The following ABCF1 variants were observed in gnomAD, a reference collection of about 807,000 sequenced individuals.
The protein encoded by ABCF1 is ATP-binding cassette sub-family F member 1.
ABCF1 carries 73 observed loss-of-function variants against 126.3 expected under a neutral mutation model. The ratio of observed to expected loss-of-function variants is 0.58; its 90% confidence interval spans 0.48 to 0.70. The LOEUF is 0.70. Among genes scored for constraint, ABCF1 ranks in the 30% least tolerant of loss-of-function variants. The pLI is 0.00. For synonymous variants in ABCF1, 345 were observed against 396.4 expected (o/e 0.87, Z 1.54); for missense variants, 786 against 1,057.5 (o/e 0.74, Z 3.56).
chr6:30,578,438 C>T, intron 5 of ABCF1, 32 bp from the exon 6 acceptor site: 2 of 1,614,068 alleles, frequency 1.2e-6, no homozygotes, highest in Non-Finnish European at 1.7e-6. Context: ...CTTGACCATC[C>T]TACTGACTTC....
chr6:30,586,431 G>A lies in ABCF1; in HGVS notation c.1886-43G>A. Reference sequence around the variant, plus strand: ...GCCAGCACATGAGAGGGACTTTGCAGGGACTGAAAAGAATATAAATTGCTT... The same window carrying A: ...GCCAGCACATGAGAGGGACTTTGCAAGGACTGAAAAGAATATAAATTGCTT... On this transcript the variant is annotated intron_variant, in intron 18 of 24. Coordinates refer to ENST00000326195, the MANE Select transcript of ABCF1 (RefSeq NM_001025091.2). The surrounding 1 kb of genome is among the most constrained non-coding windows in gnomAD (Gnocchi z 4.9). 6.2e-7 allele frequency: 1 copy of A among 1,612,684 alleles called. No homozygotes were observed. The highest frequency in any genetic ancestry group is 8.5e-7 in the Non-Finnish European group (1 of 1,178,738).
rs370107811 is a variant in ABCF1 at position 30,571,554 on chromosome 6, C to G, written c.67C>G (p.Pro23Ala). ...EWIGDGESTS[P>A]SDKVVKKGKK... ...GATCGGGGACGGAGAGAGCACGAGC[C>G]CATCAGGTGAGGCTGGTAGGCAAGG... The change falls in exon 1 of 25, where the codon CCA (proline) becomes GCA (alanine). Residue 23 changes from proline to alanine, a missense_variant. By Grantham distance (27) the Pro-to-Ala change is conservative. This residue lies in a region of ABCF1 where 322 missense variants were observed against 322.9 expected (regional missense o/e 1.00). Transcript: ENST00000326195. 19 of 1,609,700 alleles carry G rather than the reference C, an allele frequency of 1.2e-5. No individual in the cohort carries two copies. The highest frequency in any genetic ancestry group is 1.5e-5 in the Non-Finnish European group (18 of 1,179,378).
rs775422340 is a variant in ABCF1, at chr6:30,577,884, GAGCAGC to G, written c.198_203del (p.Gln72_Gln73del). ...AGAAGAGAAAGTGCTCAAGGAGAAGGAGCAGCAGCAGCAGCAACAGCAACAGCAGGT... is the reference window on the plus strand; with the variant it reads ...AGAAGAGAAAGTGCTCAAGGAGAAGGAGCAGCAGCAACAGCAACAGCAGGT... On this transcript the variant is annotated inframe_deletion, in exon 3 of 25. Transcript: ENST00000326195. 170 of 1,614,014 alleles carry G rather than the reference GAGCAGC, an allele frequency of 1.1e-4. No homozygotes were observed. The highest frequency in any genetic ancestry group is 6.9e-4 in the African/African-American group (52 of 75,018).
chr6:30,576,067 C>G (rs1801479191), intron 1 of ABCF1, among the ~76,000 whole-genome samples: 1 of 140,572 alleles, frequency 7.1e-6, no homozygotes, highest in Non-Finnish European at 1.5e-5. Context: ...GAGCAAGACC[C>G]TGTCTCTTAA....
chr6:30,578,113 A>T lies in ABCF1; in HGVS notation c.254A>T (p.Lys85Met). The T allele has an allele frequency of 6.2e-7, 1 of 1,614,108 alleles. No individual in the cohort carries two copies. The highest frequency in any genetic ancestry group is 1.1e-5 in the South Asian group (1 of 91,072). Residue 85 changes from lysine to methionine, a missense_variant, in exon 4 of 25, where the codon AAG (lysine) becomes ATG (methionine). By Grantham distance (95) the Lys-to-Met change is moderately conservative. Coordinates refer to ENST00000326195, the MANE Select transcript of ABCF1 (RefSeq NM_001025091.2). ...KKRDTRKGRR[K>M]KDVDDDGEEK... ...CGAGATACCCGAAAAGGCAGGCGGA[A>T]GAAGGATGTGGATGATGATGGAGAA...
At chr6:30,589,649 C>T (rs1802334433) in intron 20 of ABCF1, 39 bp from the exon 21 acceptor site, 1 of 1,605,922 alleles carries the variant, frequency 6.2e-7, no homozygotes, top group Non-Finnish European at 8.5e-7. Context: ...GCACCTTTTT[C>T]CCTTGCCCTC....
At chr6:30,573,381 A>G (rs1213649565) in intron 1 of ABCF1, among the ~76,000 whole-genome samples, 1 of 152,264 alleles carries the variant, frequency 6.6e-6, no homozygotes, top group African/African-American at 2.4e-5. Context: ...GAGGATTTCT[A>G]AAAGGAAATG....
chr6:30,577,773 T>C, intron 2 of ABCF1, 45 bp from the exon 3 acceptor site: 2 of 1,587,876 alleles, frequency 1.3e-6, no homozygotes, highest in Non-Finnish European at 1.7e-6. Context: ...CCTGCTTGGA[T>C]TGCTCTTGGA....
In ABCF1 at chr6:30,590,150, TG is replaced by T; in HGVS notation, c.2237del (p.Gly746ValfsTer30). On this transcript the variant is annotated frameshift_variant and splice_region_variant, in exon 23 of 25. Transcript: ENST00000326195. LOFTEE classifies it high-confidence loss of function. The part of the protein sequence containing the change: ...HTIQICKLSG[G>X]QKARVVFAEL... Reference sequence around the variant, plus strand: ...AGCCCTCCCCTTCCTTTGCTACAGGTGGTCAGAAGGCGCGAGTTGTGTTTGC... The same window carrying T: ...AGCCCTCCCCTTCCTTTGCTACAGGTGTCAGAAGGCGCGAGTTGTGTTTGC... 6.2e-7 allele frequency: 1 copy of T among 1,613,058 alleles called. No homozygotes were observed. The highest frequency in any genetic ancestry group is 1.1e-5 in the South Asian group (1 of 91,082).
Position 30,578,198 on chromosome 6 carries a change from T to C in ABCF1, c.339T>C (p.Asp113=). 1 of 1,613,818 alleles carries C rather than the reference T, an allele frequency of 6.2e-7. No individual in the cohort carries two copies. Among genetic ancestry groups the C allele is most frequent in the Non-Finnish European group, 8.5e-7 (1 of 1,179,952 alleles). ...CAGTGCCAACCAGTGATGAGGAGGA[T>C]GAAGGTAAATGACCTGAGGGGGAAT... ...KLSVPTSDEE[D]EVPAPKPRGG... is the part of the protein sequence containing the mutation. Residue 113 remains aspartate (D), a synonymous_variant, in exon 4 of 25, where the codon GAT becomes GAC. Coordinates refer to ENST00000326195, the MANE Select transcript of ABCF1 (RefSeq NM_001025091.2).
Position 30,584,130 on chromosome 6 carries a change from G to A in ABCF1, c.1103-62G>A. On this transcript the variant is annotated intron_variant, in intron 12 of 24. Coordinates refer to ENST00000326195, the MANE Select transcript of ABCF1 (RefSeq NM_001025091.2). This position sits in a 1 kb window ranked among gnomAD's most constrained non-coding sequence, Gnocchi z 4.6. ...AGGCAAAACAGAAATGTAATTGAAG[G>A]GAAAGAAAGATGAGACTCTTGGCTC... 1.3e-6 allele frequency: 2 copies of A among 1,564,816 alleles called. No homozygotes were observed. Among genetic ancestry groups the A allele is most frequent in the Non-Finnish European group, 1.7e-6 (2 of 1,158,800 alleles).
At chr6:30,579,149 C>T (rs1415561578) in intron 6 of ABCF1, among the ~76,000 whole-genome samples, 2 of 152,148 alleles carry the variant, frequency 1.3e-5, no homozygotes, top group Non-Finnish European at 2.9e-5. Flanking sequence ...AGTCCATGTC[C>T]ATTTGAGCTC....
Position 30,586,236 on chromosome 6 carries a change from A to C in ABCF1, c.1816A>C (p.Lys606Gln). The C allele has an allele frequency of 6.2e-7, 1 of 1,614,012 alleles. No homozygotes were observed. The highest frequency in any genetic ancestry group is 8.5e-7 in the Non-Finnish European group (1 of 1,179,946). The change falls in exon 18 of 25, where the codon AAG becomes CAG. Residue 606 changes from lysine (K) to glutamine (Q), a missense_variant. This residue lies in a region of ABCF1 where 288 missense variants were observed against 423.5 expected (regional missense o/e 0.68). Coordinates refer to ENST00000326195, the MANE Select transcript of ABCF1 (RefSeq NM_001025091.2). This position sits in a 1 kb window ranked among gnomAD's most constrained non-coding sequence, Gnocchi z 4.9. Reference protein sequence around the residue: ...QEAPELLKRPKEYTVRFTFPD... With the variant: ...QEAPELLKRPQEYTVRFTFPD... ...GGCCCCTGAGCTCCTGAAGCGCCCT[A>C]AGGAGTACACTGTGCGCTTCACTTT...
intron 8 of ABCF1, among the ~76,000 whole-genome samples, chr6:30,581,343 TC>T (rs1407527111): frequency 5.3e-5 from 8 of 150,898 alleles, no homozygotes; most frequent in African/African-American, 1.9e-4. Flanking sequence ...GTCTGGCACT[TC>T]CTAATTCTGT....
At position 30,577,913 on chromosome 6, in the gene ABCF1, G is replaced by C; in HGVS notation, c.216G>C (p.Gln72His). Residue 72 changes from glutamine (Q) to histidine (H), a missense_variant and splice_region_variant, in exon 3 of 25, where the codon CAG becomes CAC. This residue lies in a region of ABCF1 where 322 missense variants were observed against 322.9 expected (regional missense o/e 1.00). Transcript: ENST00000326195. ...AGCAGCAGCAGCAACAGCAACAGCA[G>C]GTACAAGTGCCACAGGGCCCACCAA... ...KEQQQQQQQQ[Q>H]QKKKRDTRKG... The C allele has an allele frequency of 6.2e-7, 1 of 1,613,938 alleles. No homozygotes were observed. The highest frequency in any genetic ancestry group is 8.5e-7 in the Non-Finnish European group (1 of 1,179,994).
intron 1 of ABCF1, among the ~76,000 whole-genome samples, chr6:30,575,072 T>C: frequency 7.7e-6 from 1 of 129,674 alleles, no homozygotes; most frequent in Non-Finnish European, 1.6e-5. Flanking sequence ...ACTTTTTTTC[T>C]TTTTTTTTTT....
In ABCF1 at chr6:30,578,181, A is replaced by G. The variant is rs201200534; in HGVS notation, c.322A>G (p.Thr108Ala). Residue 108 changes from threonine (T) to alanine (A), a missense_variant, in exon 4 of 25, where the codon ACC becomes GCC. Coordinates refer to ENST00000326195, the MANE Select transcript of ABCF1 (RefSeq NM_001025091.2). ...MERLKKLSVP[T>A]SDEEDEVPAP... Reference sequence around the variant, plus strand: ...GCGTCTTAAGAAGCTCTCAGTGCCAACCAGTGATGAGGAGGATGAAGGTAA... The same window carrying G: ...GCGTCTTAAGAAGCTCTCAGTGCCAGCCAGTGATGAGGAGGATGAAGGTAA... 3.7e-6 allele frequency: 6 copies of G among 1,614,050 alleles called. No homozygotes were observed. Among genetic ancestry groups the G allele is most frequent in the Non-Finnish European group, 5.1e-6 (6 of 1,180,006 alleles).
At position 30,574,152 on chromosome 6, in the gene ABCF1, T is replaced by C. The variant is rs367871227; in HGVS notation, c.73+2592T>C. Reference sequence around the variant, plus strand: ...AAGATTTTTTTGGTTTTGGTGGGTTTTTTTTTTTTGTGACGGAGCCTCACT... The same window carrying C: ...AAGATTTTTTTGGTTTTGGTGGGTTCTTTTTTTTTGTGACGGAGCCTCACT... On this transcript the variant is annotated intron_variant, in intron 1 of 24. Transcript: ENST00000326195. The surrounding 1 kb of genome is among the most constrained non-coding windows in gnomAD (Gnocchi z 4.3). 6.3e-4 allele frequency among the ~76,000 whole-genome samples: 95 copies of C among 151,898 alleles called. No homozygotes were observed. Among genetic ancestry groups the C allele is most frequent in the African/African-American group, 2.1e-3 (89 of 41,524 alleles).
At chr6:30,571,620 G>T (rs1801245370) in intron 1 of ABCF1, 60 bp downstream of exon 1, 2 of 1,551,136 alleles carry the variant, frequency 1.3e-6, no homozygotes, top group African/African-American at 1.4e-5. Flanking sequence ...GACTGCGCGT[G>T]TTTTAAGAGA....
Sources: allele counts gnomAD v4.1 joint callset (sites outside exome capture counted in the v4.1 genomes callset), GRCh38; gene constraint gnomAD v4.1.1; regional missense constraint gnomAD v4.1.1; non-coding constraint Gnocchi (gnomAD v3.1); transcripts MANE v1.5; gene names NCBI Gene and HGNC (gene_info 2026-07-23, HGNC 2026-07-21).